CHST13: variants seen among roughly 807,000 people sequenced by gnomAD.
The protein encoded by CHST13 is C4ST-3.
Under a neutral mutation model 7.0 loss-of-function variants are expected in CHST13, and 1 was observed. The ratio of observed to expected loss-of-function variants is 0.14; its 90% CI spans 0.05 to 0.68. CHST13 has a LOEUF of 0.68. Ranked by LOEUF, CHST13 falls within the 30% of genes least tolerant of loss-of-function variation. The probability of loss-of-function intolerance (pLI) is 0.82; values close to 1 mark genes in which losing one functional copy is unlikely to be tolerated. For missense variants in CHST13, 572 were observed against 507.9 expected, an observed-to-expected ratio of 1.13 and a Z score of -1.21; for synonymous variants, 257 against 240.9, an observed-to-expected ratio of 1.07 and a Z score of -0.62.
At chr3:126,527,437 C>G (rs894104817) in intron 1 of CHST13, 10 of 152,366 alleles carry the variant, frequency 6.6e-5, no homozygotes, top group Admixed American at 2.6e-4. Context: ...GCCTCACTCT[C>G]AGCTGCACCA....
intron 1 of CHST13, among the ~76,000 whole-genome samples, chr3:126,532,832 AAG>A (rs1412372214): frequency 6.6e-6 from 1 of 152,224 alleles, no homozygotes; most frequent in African/African-American, 2.4e-5. Flanking sequence ...AGGAATTTCA[AAG>A]AATCTGTAGA....
intron 1 of CHST13, chr3:126,529,353 G>C: frequency 7.8e-7 from 1 of 1,289,378 alleles, no homozygotes; most frequent in Non-Finnish European, 1.0e-6. Flanking sequence ...TCATGGGTCA[G>C]TGAAATGGGG....
intron 1 of CHST13, among the ~76,000 whole-genome samples, chr3:126,535,602 C>CAGA: frequency 1.7e-5 from 1 of 59,282 alleles, no homozygotes; most frequent in East Asian, 5.5e-4. Flanking sequence ...CGGGAGACAG[C>CAGA]CGGACAGCAT....
chr3:126,525,340 G>T (rs1236126205), intron 1 of CHST13, among the ~76,000 whole-genome samples: 2 of 152,178 alleles, frequency 1.3e-5, no homozygotes, highest in African/African-American at 2.4e-5. Flanking sequence ...TCCAGGGTGG[G>T]CGGGGATGTT....
chr3:126,529,211 G>A, intron 1 of CHST13: 1 of 835,122 alleles, frequency 1.2e-6, no homozygotes, highest in South Asian at 1.4e-5. Flanking sequence ...TAGGTTTCTA[G>A]TGTGGTGTTT....
In CHST13 at chr3:126,533,815, T is replaced by C. The variant is rs188515114; in HGVS notation, c.98-2456T>C. On this transcript the variant is annotated intron_variant, in intron 1 of 2. Coordinates refer to ENST00000319340, the MANE Select transcript of CHST13 (RefSeq NM_152889.3). ...AGATTGGTGTTAATTCTTTAAACATTTAGTAAAATTTACCAGTGAAGCCAT... is the reference window on the plus strand; with the variant it reads ...AGATTGGTGTTAATTCTTTAAACATCTAGTAAAATTTACCAGTGAAGCCAT... 2.0e-5 allele frequency among the ~76,000 whole-genome samples: 3 copies of C among 152,320 alleles called. No homozygotes were observed. In the East Asian group the frequency reaches 5.8e-4, roughly 29 times the overall value.
In CHST13 at chr3:126,542,478, G is replaced by T. The variant is rs771769757; in HGVS notation, c.926G>T (p.Arg309Leu). ...ASRDLAARLF[R>L]DISPFYQRRL... ...CGCGACCTGGCAGCGCGCCTCTTCCGGGACATCAGCCCCTTCTACCAGCGG... is the reference window on the plus strand; with the variant it reads ...CGCGACCTGGCAGCGCGCCTCTTCCTGGACATCAGCCCCTTCTACCAGCGG... Residue 309 changes from arginine to leucine, a missense_variant, in exon 3 of 3, where the codon CGG becomes CTG. Physicochemically the swap from Arg to Leu is moderately radical, Grantham distance 102. Transcript: ENST00000319340. 1.3e-6 allele frequency: 2 copies of T among 1,582,866 alleles called. No homozygotes were observed. Among genetic ancestry groups the T allele is most frequent in the Non-Finnish European group, 1.7e-6 (2 of 1,167,724 alleles).
intron 1 of CHST13, among the ~76,000 whole-genome samples, chr3:126,525,565 A>G (rs1469254077): frequency 6.6e-6 from 1 of 152,042 alleles, no homozygotes; most frequent in African/African-American, 2.4e-5. Flanking sequence ...GGTGGTGTTG[A>G]GCAGACAATC....
intron 2 of CHST13, among the ~76,000 whole-genome samples, chr3:126,536,726 C>T (rs986298023): frequency 1.3e-4 from 19 of 151,948 alleles, no homozygotes; most frequent in Non-Finnish European, 2.2e-4. Context: ...CCAGCCCCGG[C>T]GTGATTCTCA....
rs374324912 is a variant in CHST13, at chr3:126,541,830, C to T, written c.278C>T (p.Pro93Leu). The T allele has an allele frequency of 1.9e-6, 3 of 1,570,294 alleles. No homozygotes were observed. The highest frequency in any genetic ancestry group is 1.2e-5 in the South Asian group (1 of 85,558). The change falls in exon 3 of 3, where the codon CCG (proline) becomes CTG (leucine). Residue 93 changes from proline to leucine, a missense_variant. Physicochemically the swap from Pro to Leu is moderately conservative, Grantham distance 98. Transcript: ENST00000319340. The stretch of plus-strand genomic sequence containing the variant: ...TCACGCCGGCAGCGCCTGCTACAGC[C>T]GGAGGACCTGCGGCACGTGCTGGTG... ...RHSRRQRLLQ[P>L]EDLRHVLVDD...
chr3:126,537,845 C>T (rs539191527), intron 2 of CHST13, among the ~76,000 whole-genome samples: 19 of 152,344 alleles, frequency 1.2e-4, no homozygotes, highest in East Asian at 9.7e-4. Flanking sequence ...AAGGTGGGGC[C>T]GTTGTCCCTG....
chr3:126,536,611 T>C (rs1936796577), intron 2 of CHST13, among the ~76,000 whole-genome samples: 1 of 151,866 alleles, frequency 6.6e-6, no homozygotes, highest in South Asian at 2.1e-4. Flanking sequence ...GTGTTGCAGA[T>C]AAAAAAGAGT....
intron 2 of CHST13, among the ~76,000 whole-genome samples, chr3:126,537,797 A>G (rs1936829576): frequency 6.6e-6 from 1 of 152,252 alleles, no homozygotes; most frequent in South Asian, 2.1e-4. Context: ...ATCACGTGCC[A>G]GGCCCTTTAG....
chr3:126,533,770 T>G (rs959490673), intron 1 of CHST13, among the ~76,000 whole-genome samples: 1 of 152,204 alleles, frequency 6.6e-6, no homozygotes, highest in Non-Finnish European at 1.5e-5. Context: ...CCTCTTCTGT[T>G]TTTTGAAAGA....
At chr3:126,536,806 C>A (rs548593926) in intron 2 of CHST13, among the ~76,000 whole-genome samples, 1 of 151,782 alleles carries the variant, frequency 6.6e-6, no homozygotes, top group Non-Finnish European at 1.5e-5. Context: ...AGGGACCACA[C>A]ACAACCCCAA....
intron 1 of CHST13, 41 bp downstream of exon 1, chr3:126,524,470 C>T: frequency 4.1e-6 from 3 of 737,608 alleles, no homozygotes; most frequent in Non-Finnish European, 5.6e-6. Flanking sequence ...CCAACCAAAC[C>T]TGGCTCCTCG....
At position 126,524,251 on chromosome 3, in the gene CHST13, G is replaced by A. The variant is rs1050648501; in HGVS notation, c.-82G>A. 2 of 1,091,398 alleles carry A rather than the reference G, an allele frequency of 1.8e-6. No homozygotes were observed. The highest frequency in any genetic ancestry group is 2.3e-6 in the Non-Finnish European group (2 of 870,226). The allele number at this position is 1,091,398 out of a possible 1,614,324, so 67.6% of individuals were successfully genotyped here. A position where few individuals can be genotyped will look rare whatever the true frequency, so the allele number is the denominator to read the frequency against. On this transcript the variant is annotated 5_prime_UTR_variant, in exon 1 of 3. Coordinates refer to ENST00000319340, the MANE Select transcript of CHST13 (RefSeq NM_152889.3). ...CGCGCGTCTTGGTAGGCGCTGCGCT[G>A]CCGGGGCCGGGTCCTGGGCCAGTGC...
chr3:126,529,145 C>T (rs987345729), intron 1 of CHST13: 30 of 381,016 alleles, frequency 7.9e-5, no homozygotes, highest in East Asian at 2.4e-4. Flanking sequence ...GCACAGGGCG[C>T]GAGCCCTGCT....
At chr3:126,528,468 C>T (rs1936579662) in intron 1 of CHST13, among the ~76,000 whole-genome samples, 1 of 152,038 alleles carries the variant, frequency 6.6e-6, no homozygotes. Context: ...ACTGGTGGGC[C>T]TTGGGGGGAA....
Sources: allele counts gnomAD v4.1 joint callset (sites outside exome capture counted in the v4.1 genomes callset), GRCh38; gene constraint gnomAD v4.1.1; transcripts MANE v1.5; gene names NCBI Gene and HGNC (gene_info 2026-07-23, HGNC 2026-07-21).